The following ADAM12 variants were observed in gnomAD, a reference collection of about 807,000 sequenced individuals.
ADAM12 encodes the protein disintegrin and metalloproteinase domain-containing protein 12.
In ADAM12, 70 loss-of-function variants were observed where a neutral mutation model predicts 106.4. The ratio of observed to expected loss-of-function variants is 0.66; its 90% CI spans 0.54 to 0.80. The LOEUF is 0.80. ADAM12 is among the 30% of genes least tolerant of loss of function. The pLI is 0.00. For synonymous variants in ADAM12, 420 were observed against 433.5 expected, an observed-to-expected ratio of 0.97 and a Z score of 0.39; for missense variants, 1,010 against 1,171.9, an observed-to-expected ratio of 0.86 and a Z score of 2.02.
In ADAM12 at chr10:126,172,389, G is replaced by A. The variant is rs116554186; in HGVS notation, c.261-17084C>T. 5.4e-3 allele frequency among the ~76,000 whole-genome samples: 818 copies of A among 152,032 alleles called. 11 individuals carry two copies. The highest frequency in any genetic ancestry group is 0.019 in the African/African-American group (775 of 41,488). On this transcript the variant is annotated intron_variant, in intron 3 of 22. Transcript: ENST00000448723. ...ATTTTCTTGGGTGTAACAATGGCAC[G>A]GTGTGTTATTTTAAAATTTACAAGA...
At chr10:126,366,696 A>G (rs1855923745) in intron 1 of ADAM12, among the ~76,000 whole-genome samples, 1 of 152,100 alleles carries the variant, frequency 6.6e-6, no homozygotes, top group Non-Finnish European at 1.5e-5. Flanking sequence ...GCATAAATAT[A>G]GATATACTGA....
At chr10:126,238,301 G>C (rs4532944) in intron 3 of ADAM12, among the ~76,000 whole-genome samples, 32,999 of 152,052 alleles carry the variant, frequency 0.22, 3,721 homozygotes, top group African/African-American at 0.28. Flanking sequence ...CCAACATGGG[G>C]AAACCCCATC....
chr10:126,033,586 AAC>A (rs1387881093), intron 21 of ADAM12, among the ~76,000 whole-genome samples: 1 of 152,172 alleles, frequency 6.6e-6, no homozygotes, highest in African/African-American at 2.4e-5. Context: ...GCAGTCCAGA[AAC>A]ACAGAAGTGT....
chr10:126,249,720 T>C (rs4962323), intron 3 of ADAM12, among the ~76,000 whole-genome samples: 136,903 of 152,100 alleles, frequency 0.9, 63,271 homozygotes, highest in East Asian at 1. Flanking sequence ...AAAAGAAAAC[T>C]GACACCAACA....
chr10:126,295,570 C>T (rs901291737), intron 2 of ADAM12, among the ~76,000 whole-genome samples: 5 of 151,154 alleles, frequency 3.3e-5, no homozygotes, highest in Admixed American at 2.6e-4. Flanking sequence ...CACACACACA[C>T]ATCTCTGTTC....
chr10:126,036,515 C>T (rs1954063479), intron 20 of ADAM12, among the ~76,000 whole-genome samples, 190 bp from the exon 21 acceptor site: 1 of 152,130 alleles, frequency 6.6e-6, no homozygotes, highest in Admixed American at 6.5e-5. Context: ...CAAACAGAAG[C>T]ATCACCTGCC....
At chr10:126,179,711 G>T (rs762036222) in intron 3 of ADAM12, among the ~76,000 whole-genome samples, 1 of 152,136 alleles carries the variant, frequency 6.6e-6, no homozygotes, top group African/African-American at 2.4e-5. Flanking sequence ...TTAGACCATG[G>T]TTCACATACT....
At chr10:126,126,223 T>G (rs1956203541) in intron 5 of ADAM12, among the ~76,000 whole-genome samples, 1 of 152,048 alleles carries the variant, frequency 6.6e-6, no homozygotes, top group African/African-American at 2.4e-5. Flanking sequence ...AGCCTCCTCT[T>G]CAGGGTCACG....
At chr10:126,174,949 G>T (rs1476430296) in intron 3 of ADAM12, among the ~76,000 whole-genome samples, 4 of 152,162 alleles carry the variant, frequency 2.6e-5, no homozygotes, top group African/African-American at 9.6e-5. Context: ...GTAGGGACGG[G>T]GTTTCACTGT....
intron 3 of ADAM12, among the ~76,000 whole-genome samples, chr10:126,275,162 T>C (rs1250716436): frequency 6.6e-6 from 1 of 152,204 alleles, no homozygotes; most frequent in East Asian, 1.9e-4. Context: ...TCTACTGCCA[T>C]CACTCTTCAT....
intron 3 of ADAM12, among the ~76,000 whole-genome samples, chr10:126,265,624 TTACC>T (rs1169989729): frequency 1.5e-4 from 23 of 152,244 alleles, no homozygotes; most frequent in African/African-American, 5.5e-4. Flanking sequence ...GTACACTGAA[TTACC>T]TACCAGTAAA....
intron 2 of ADAM12, among the ~76,000 whole-genome samples, chr10:126,311,094 TACACACACACACACACACACACAC>T (rs67514376): frequency 7.2e-6 from 1 of 138,454 alleles, no homozygotes; most frequent in Non-Finnish European, 1.6e-5. Context: ...TACACACAAA[TACACACACACACACACACACACAC>T]ACACACACAC....
intron 5 of ADAM12, among the ~76,000 whole-genome samples, chr10:126,122,272 C>T (rs1361936635): frequency 6.6e-6 from 1 of 152,170 alleles, no homozygotes; most frequent in Non-Finnish European, 1.5e-5. Flanking sequence ...TTGCCTTCCC[C>T]CACACTGGTG....
At chr10:126,176,521 A>G (rs555447386) in intron 3 of ADAM12, among the ~76,000 whole-genome samples, 8 of 152,380 alleles carry the variant, frequency 5.3e-5, no homozygotes, top group Non-Finnish European at 1.0e-4. Context: ...TGCCATTGCA[A>G]GAACTCTGAA....
intron 3 of ADAM12, among the ~76,000 whole-genome samples, chr10:126,246,293 T>C (rs1958627674): frequency 6.6e-6 from 1 of 152,230 alleles, no homozygotes; most frequent in Non-Finnish European, 1.5e-5. Context: ...GACTCTCCAA[T>C]TTATTTTGAA....
intron 3 of ADAM12, among the ~76,000 whole-genome samples, chr10:126,161,666 G>A (rs951629983): frequency 1.3e-4 from 20 of 152,200 alleles, no homozygotes; most frequent in African/African-American, 4.8e-4. Flanking sequence ...TTGCCAGGGA[G>A]CATGGATGAA....
intron 2 of ADAM12, among the ~76,000 whole-genome samples, chr10:126,311,098 C>CACAG (rs1156399781): frequency 1.0e-5 from 1 of 99,428 alleles, no homozygotes; most frequent in Non-Finnish European, 1.8e-5. Context: ...CACAAATACA[C>CACAG]ACACACACAC....
intron 1 of ADAM12, among the ~76,000 whole-genome samples, chr10:126,363,690 G>A (rs1359195904): frequency 1.3e-5 from 2 of 152,156 alleles, no homozygotes; most frequent in Admixed American, 1.3e-4. Context: ...TACGGAGATG[G>A]GAGAGACATG....
intron 3 of ADAM12, among the ~76,000 whole-genome samples, chr10:126,164,080 T>A (rs1384231483): frequency 6.6e-6 from 1 of 152,212 alleles, no homozygotes; most frequent in Non-Finnish European, 1.5e-5. Flanking sequence ...CAACATGTTA[T>A]CAATTTCAAA....
Sources: allele counts gnomAD v4.1 joint callset (sites outside exome capture counted in the v4.1 genomes callset), GRCh38; gene constraint gnomAD v4.1.1; transcripts MANE v1.5; gene names NCBI Gene and HGNC (gene_info 2026-07-23, HGNC 2026-07-21).